The following ANK3 variants were observed in gnomAD, a reference collection of about 807,000 sequenced individuals.
ANK3 encodes the protein ankyrin-3.
ANK3 carries 57 observed loss-of-function variants against 370.9 expected under a neutral mutation model. The ratio of observed to expected loss-of-function variants is 0.15; its 90% CI spans 0.12 to 0.19. ANK3 has a LOEUF of 0.19. Among genes scored for constraint, ANK3 ranks in the 10% least tolerant of loss-of-function variants. The probability of loss-of-function intolerance (pLI) is 1.00; values close to 1 mark genes in which losing one functional copy is unlikely to be tolerated. For missense variants in ANK3, 4,439 were observed against 5,302.1 expected (o/e 0.84, Z 5.06); for synonymous variants, 1,929 against 1,946.3 (o/e 0.99, Z 0.23).
At chr10:60,530,626 G>C (rs1454865472) in intron 2 of ANK3, among the ~76,000 whole-genome samples, 1 of 152,112 alleles carries the variant, frequency 6.6e-6, no homozygotes, top group African/African-American at 2.4e-5. Context: ...TTACCCTAAA[G>C]CTGACCCTGC....
intron 1 of ANK3, among the ~76,000 whole-genome samples, chr10:60,352,472 A>G (rs2057036587): frequency 6.6e-6 from 1 of 152,218 alleles, no homozygotes; most frequent in African/African-American, 2.4e-5. Context: ...AGACAGATGT[A>G]TAATCTAATT....
intron 7 of ANK3, among the ~76,000 whole-genome samples, chr10:60,246,847 C>T (rs1237750675): frequency 2.0e-5 from 3 of 152,138 alleles, no homozygotes; most frequent in African/African-American, 7.2e-5. Flanking sequence ...ATTCCCACAC[C>T]TGCTTCTCCC....
intron 2 of ANK3, among the ~76,000 whole-genome samples, chr10:60,606,947 A>T (rs2078136691): frequency 6.6e-6 from 1 of 152,202 alleles, no homozygotes; most frequent in Non-Finnish European, 1.5e-5. Flanking sequence ...AGATGTATGG[A>T]ACACACCCAA....
intron 2 of ANK3, among the ~76,000 whole-genome samples, chr10:60,596,937 C>A (rs934589916): frequency 6.6e-6 from 1 of 151,886 alleles, no homozygotes; most frequent in African/African-American, 2.4e-5. Context: ...TATAAGAAAC[C>A]AAGTTTTTAA....
At chr10:60,347,026 TAC>T (rs10565816) in intron 1 of ANK3, among the ~76,000 whole-genome samples, 102,362 of 146,804 alleles carry the variant, frequency 0.7, 36,958 homozygotes, top group South Asian at 0.91. Flanking sequence ...AGTATGTATG[TAC>T]AGTACTGCAT....
chr10:60,500,347 TG>T (rs763392542), intron 2 of ANK3, among the ~76,000 whole-genome samples: 1 of 152,144 alleles, frequency 6.6e-6, no homozygotes, highest in Non-Finnish European at 1.5e-5. Context: ...ACCTCAAATT[TG>T]GCTTTTATGG....
In ANK3 at chr10:60,041,515, A is replaced by G. The variant is rs937389236; in HGVS notation, c.*19+1157T>C. The stretch of plus-strand genomic sequence containing the variant: ...TTAACCACTTTGGGCCTGTTTCCTC[A>G]TCTATCAAATGGGGATGATGAAGGC... On this transcript the variant is annotated intron_variant, in intron 43 of 43. Coordinates refer to ENST00000280772, the MANE Select transcript of ANK3 (RefSeq NM_020987.5). 8.5e-5 allele frequency among the ~76,000 whole-genome samples: 13 copies of G among 152,256 alleles called. No individual in the cohort carries two copies. The South Asian group carries it at 1.4e-3, about 17-fold the overall frequency.
intron 2 of ANK3, among the ~76,000 whole-genome samples, chr10:60,538,544 A>T (rs1418299065): frequency 1.3e-5 from 2 of 151,858 alleles, no homozygotes; most frequent in African/African-American, 4.8e-5. Flanking sequence ...AGGTTTGTTC[A>T]AGTATCCAGT....
intron 2 of ANK3, among the ~76,000 whole-genome samples, chr10:60,448,773 A>G (rs1400934418): frequency 6.6e-6 from 1 of 152,244 alleles, no homozygotes; most frequent in Non-Finnish European, 1.5e-5. Flanking sequence ...GGAATTGATT[A>G]CTAATTCCTT....
intron 2 of ANK3, among the ~76,000 whole-genome samples, chr10:60,494,212 T>C (rs1352683252): frequency 6.6e-6 from 1 of 152,198 alleles, no homozygotes; most frequent in South Asian, 2.1e-4. Context: ...TCAAGATTTC[T>C]ATTACTTGAA....
At chr10:60,630,990 C>T (rs1308421099) in intron 1 of ANK3, among the ~76,000 whole-genome samples, 2 of 152,026 alleles carry the variant, frequency 1.3e-5, no homozygotes, top group African/African-American at 4.8e-5. Flanking sequence ...GCAGAGAAAA[C>T]ACAATTTGCT....
intron 1 of ANK3, among the ~76,000 whole-genome samples, chr10:60,648,096 C>T (rs900987294): frequency 2.0e-5 from 3 of 151,584 alleles, no homozygotes; most frequent in Admixed American, 6.6e-5. Context: ...CCACCCACCT[C>T]AGCCTCCCAA....
intron 23 of ANK3, among the ~76,000 whole-genome samples, chr10:60,143,092 G>C (rs2094639908): frequency 6.6e-6 from 1 of 152,160 alleles, no homozygotes; most frequent in South Asian, 2.1e-4. Flanking sequence ...CCAAATATCT[G>C]AATGCATGAA....
chr10:60,295,828 A>G (rs1394237224), intron 1 of ANK3, among the ~76,000 whole-genome samples: 1 of 152,228 alleles, frequency 6.6e-6, no homozygotes, highest in Non-Finnish European at 1.5e-5. Flanking sequence ...TAAAATATTT[A>G]TCTTATGAAA....
intron 2 of ANK3, among the ~76,000 whole-genome samples, chr10:60,478,593 T>C (rs2075131429): frequency 6.6e-6 from 1 of 152,114 alleles, no homozygotes; most frequent in South Asian, 2.1e-4. Context: ...ACAAGAAAGA[T>C]ATAAATTTCT....
chr10:60,458,781 T>A (rs1259940247), intron 2 of ANK3, among the ~76,000 whole-genome samples: 3 of 152,156 alleles, frequency 2.0e-5, no homozygotes, highest in Non-Finnish European at 2.9e-5. Flanking sequence ...AGGCTCCCAA[T>A]TATTTCATTG....
At chr10:60,053,032 A>G (rs945667687) in intron 42 of ANK3, among the ~76,000 whole-genome samples, 1 of 152,206 alleles carries the variant, frequency 6.6e-6, no homozygotes, top group Non-Finnish European at 1.5e-5. Flanking sequence ...CCACTGAATA[A>G]TATGGTTTTA....
At chr10:60,241,343 T>A (rs995001151) in intron 7 of ANK3, among the ~76,000 whole-genome samples, 11 of 152,168 alleles carry the variant, frequency 7.2e-5, no homozygotes, top group African/African-American at 2.4e-4. Flanking sequence ...GATTGTAATT[T>A]TATATATATT....
intron 2 of ANK3, among the ~76,000 whole-genome samples, chr10:60,524,229 C>G (rs1371442585): frequency 6.6e-6 from 1 of 152,084 alleles, no homozygotes; most frequent in African/African-American, 2.4e-5. Context: ...GGGATTTTAA[C>G]CAGCCATCCC....
Sources: allele counts gnomAD v4.1 joint callset (sites outside exome capture counted in the v4.1 genomes callset), GRCh38; gene constraint gnomAD v4.1.1; transcripts MANE v1.5; gene names NCBI Gene and HGNC (gene_info 2026-07-23, HGNC 2026-07-21).